SYT2: variants seen among roughly 807,000 people sequenced by gnomAD.
The protein encoded by SYT2 is synaptotagmin 2, also known as synaptotagmin-2.
In SYT2, 15 loss-of-function variants were observed where a neutral mutation model predicts 39.9. The observed-to-expected ratio is 0.38, with a 90% CI of 0.25 to 0.58. SYT2 has a LOEUF of 0.58. Among genes scored for constraint, SYT2 ranks in the 20% least tolerant of loss-of-function variants. The pLI is 0.70. For synonymous variants in SYT2, 181 were observed against 204.5 expected (o/e 0.89, Z 0.98); for missense variants, 389 against 530.3 (o/e 0.73, Z 2.62).
intron 1 of SYT2, among the ~76,000 whole-genome samples, chr1:202,625,343 GGT>G (rs1214707641): frequency 7.3e-5 from 1 of 13,744 alleles, no homozygotes; most frequent in Non-Finnish European, 1.8e-4. Context: ...CATGTAGTAG[GGT>G]GTGTGTGTGA....
At chr1:202,685,389 G>A (rs777590437) in intron 1 of SYT2, among the ~76,000 whole-genome samples, 1 of 152,144 alleles carries the variant, frequency 6.6e-6, no homozygotes, top group African/African-American at 2.4e-5. Flanking sequence ...TGGAGAATCA[G>A]TTGAGTTTAA....
At chr1:202,706,746 G>A (rs1383022539) in intron 1 of SYT2, among the ~76,000 whole-genome samples, 1 of 152,184 alleles carries the variant, frequency 6.6e-6, no homozygotes, top group Non-Finnish European at 1.5e-5. Context: ...TCTCTGGCCT[G>A]GCTTCTCTGA....
intron 1 of SYT2, among the ~76,000 whole-genome samples, chr1:202,684,694 A>C (rs1398636332): frequency 2.0e-5 from 3 of 151,812 alleles, no homozygotes; most frequent in African/African-American, 7.3e-5. Flanking sequence ...TGTGCCCCTC[A>C]CCCGTGATGT....
chr1:202,655,290 A>T (rs1692260305), intron 1 of SYT2, among the ~76,000 whole-genome samples: 1 of 152,186 alleles, frequency 6.6e-6, no homozygotes, highest in African/African-American at 2.4e-5. Context: ...ACAGGCCTTG[A>T]GGAAGCCCAG....
chr1:202,601,880 C>T lies in SYT2; in HGVS notation c.801+10G>A. Reference sequence around the variant, plus strand: ...CTTTCTGCCCAACCTGGCCTCATCTCTGCTCTTACCTCCTCCTTTTCCCCG... The same window carrying T: ...CTTTCTGCCCAACCTGGCCTCATCTTTGCTCTTACCTCCTCCTTTTCCCCG... On this transcript the variant is annotated intron_variant, in intron 6 of 8. Transcript: ENST00000367268. This position sits in a 1 kb window ranked among gnomAD's most constrained non-coding sequence, Gnocchi z 4.0. 1 of 1,612,734 alleles carries T rather than the reference C, an allele frequency of 6.2e-7. No homozygotes were observed. The highest frequency in any genetic ancestry group is 8.5e-7 in the Non-Finnish European group (1 of 1,179,308).
intron 1 of SYT2, among the ~76,000 whole-genome samples, chr1:202,695,216 C>A (rs1238197558): frequency 6.6e-6 from 1 of 152,144 alleles, no homozygotes; most frequent in African/African-American, 2.4e-5. Context: ...ATGCAATACA[C>A]CCCTGCTCAC....
At chr1:202,708,927 G>A (rs1316094628) in intron 1 of SYT2, among the ~76,000 whole-genome samples, 1 of 152,204 alleles carries the variant, frequency 6.6e-6, no homozygotes, top group African/African-American at 2.4e-5. Context: ...CCCTGCTTCT[G>A]TCACCCCCTC....
chr1:202,696,809 CA>C (rs892259280), intron 1 of SYT2, among the ~76,000 whole-genome samples: 2 of 152,062 alleles, frequency 1.3e-5, no homozygotes, highest in African/African-American at 2.4e-5. Flanking sequence ...GAACTTTGGA[CA>C]AAAAAAGGCA....
intron 1 of SYT2, among the ~76,000 whole-genome samples, chr1:202,700,162 C>T (rs1027890117): frequency 1.3e-5 from 2 of 152,182 alleles, no homozygotes; most frequent in Non-Finnish European, 2.9e-5. Flanking sequence ...GAGGGAGCCT[C>T]ATCCCCAGAG....
At chr1:202,653,426 G>A (rs1466182617) in intron 1 of SYT2, among the ~76,000 whole-genome samples, 1 of 152,088 alleles carries the variant, frequency 6.6e-6, no homozygotes, top group Admixed American at 6.6e-5. Flanking sequence ...CAGTCACTTT[G>A]CTTGTACTAC....
At position 202,603,110 on chromosome 1, in the gene SYT2, G is replaced by C. The variant is rs1405701939; in HGVS notation, c.354C>G (p.Asp118Glu). 1 of 1,613,972 alleles carries C rather than the reference G, an allele frequency of 6.2e-7. No individual in the cohort carries two copies. The highest frequency in any genetic ancestry group is 8.5e-7 in the Non-Finnish European group (1 of 1,179,974). ...MKDMKGGQDD[D>E]DAETGLTEGE... ...CCTCAGTCAGGCCTGTCTCTGCGTC[G>C]TCGTCATCCTGTGGGAGCTGGGGGA... is the stretch of plus-strand genomic sequence containing the variant. Residue 118 changes from aspartate (D) to glutamate (E), a missense_variant, in exon 4 of 9, where the codon GAC (aspartate) becomes GAG (glutamate). By Grantham distance (45) the Asp-to-Glu change is conservative (BLOSUM62 2). Around this residue, in one of 4 missense-constraint regions of SYT2, gnomAD observed 280 missense variants for 335.6 expected, o/e 0.83. Coordinates refer to ENST00000367268, the MANE Select transcript of SYT2 (RefSeq NM_177402.5).
intron 1 of SYT2, among the ~76,000 whole-genome samples, chr1:202,618,568 C>T (rs539144071): frequency 5.3e-5 from 8 of 152,298 alleles, no homozygotes; most frequent in South Asian, 2.1e-4. Flanking sequence ...CATTTCACCT[C>T]GGGTGGTTTC....
intron 1 of SYT2, among the ~76,000 whole-genome samples, chr1:202,646,940 G>C (rs911623532): frequency 3.9e-5 from 6 of 152,186 alleles, no homozygotes; most frequent in African/African-American, 1.4e-4. Flanking sequence ...GCTGAAGCCA[G>C]CTCATCCCCA....
At chr1:202,709,554 G>A (rs1265327222) in intron 1 of SYT2, among the ~76,000 whole-genome samples, 1 of 152,212 alleles carries the variant, frequency 6.6e-6, no homozygotes, top group Non-Finnish European at 1.5e-5. Flanking sequence ...GTCAGCACCC[G>A]CCAGGCTGCG....
Position 202,628,109 on chromosome 1 carries a change from G to C in SYT2, c.-17-22320C>G, listed in dbSNP as rs1333834672. 1.3e-5 allele frequency among the ~76,000 whole-genome samples: 2 copies of C among 152,208 alleles called. No homozygotes were observed. The highest frequency in any genetic ancestry group is 2.9e-5 in the Non-Finnish European group (2 of 68,032). ...GAGGTGGGTGCCGGGGGCAGGGAGG[G>C]AGACCTCCACTGTGCCCACTCCGTG... On this transcript the variant is annotated intron_variant, in intron 1 of 8. Coordinates refer to ENST00000367268, the MANE Select transcript of SYT2 (RefSeq NM_177402.5). The surrounding 1 kb of genome is among the most constrained non-coding windows in gnomAD (Gnocchi z 4.2).
chr1:202,647,779 C>T (rs112851830), intron 1 of SYT2, among the ~76,000 whole-genome samples: 3 of 152,304 alleles, frequency 2.0e-5, no homozygotes, highest in East Asian at 1.9e-4. Context: ...GTCACTACCA[C>T]GACCATCACT....
At chr1:202,610,014 T>C (rs1690842274) in intron 1 of SYT2, among the ~76,000 whole-genome samples, 1 of 152,208 alleles carries the variant, frequency 6.6e-6, no homozygotes, top group Non-Finnish European at 1.5e-5. Context: ...GTTTTTATGG[T>C]TTTAGGTCTA....
In SYT2 at chr1:202,677,776, A is replaced by G. The variant is rs186125860; in HGVS notation, c.-18+32482T>C. ...CCCGACACTATATGATTTATGAAAT[A>G]TGAACAGCAAAATCATCATGGGTGC... On this transcript the variant is annotated intron_variant, in intron 1 of 8. Coordinates refer to ENST00000367268, the MANE Select transcript of SYT2 (RefSeq NM_177402.5). 1.4e-3 allele frequency among the ~76,000 whole-genome samples: 208 copies of G among 152,388 alleles called. 1 individual carries two copies. The highest frequency in any genetic ancestry group is 4.6e-3 in the African/African-American group (193 of 41,586).
chr1:202,618,156 A>G (rs1691098718), intron 1 of SYT2, among the ~76,000 whole-genome samples: 2 of 152,000 alleles, frequency 1.3e-5, no homozygotes, highest in South Asian at 2.1e-4. Flanking sequence ...CCCACATTCA[A>G]TAAATATGTG....
Sources: allele counts gnomAD v4.1 joint callset (sites outside exome capture counted in the v4.1 genomes callset), GRCh38; gene constraint gnomAD v4.1.1; regional missense constraint gnomAD v4.1.1; non-coding constraint Gnocchi (gnomAD v3.1); transcripts MANE v1.5; gene names NCBI Gene and HGNC (gene_info 2026-07-23, HGNC 2026-07-21).